Variants in CHODL observed in about 807,000 individuals in gnomAD.
CHODL encodes the protein transmembrane protein MT75.
A neutral mutation model predicts 34.5 loss-of-function variants in CHODL; 29 were observed. The observed-to-expected ratio is 0.84, with a 90% CI of 0.63 to 1.15. CHODL has a LOEUF of 1.15. CHODL is among the 50% of genes most tolerant of loss of function. CHODL has a pLI of 0.00. For synonymous variants in CHODL, 125 were observed against 116.1 expected (o/e 1.08, Z -0.49); for missense variants, 332 against 332.5 (o/e 1.00, Z 0.01).
intron 1 of CHODL, among the ~76,000 whole-genome samples, chr21:17,982,572 T>C (rs998234193): frequency 2.6e-5 from 4 of 151,890 alleles, no homozygotes; most frequent in Non-Finnish European, 5.9e-5. Context: ...TATGAAAATA[T>C]TGTGTACTCT....
chr21:18,091,358 G>A (rs1337922347), intron 2 of CHODL, among the ~76,000 whole-genome samples: 1 of 152,178 alleles, frequency 6.6e-6, no homozygotes, highest in Non-Finnish European at 1.5e-5. Flanking sequence ...GGTGGCACGT[G>A]ACCTAGGGAG....
At chr21:18,191,974 G>A (rs1233694231) in intron 2 of CHODL, among the ~76,000 whole-genome samples, 1 of 152,158 alleles carries the variant, frequency 6.6e-6, no homozygotes, top group Non-Finnish European at 1.5e-5. Flanking sequence ...AAATCATGTT[G>A]CAAATGAAAG....
At chr21:18,014,401 C>T (rs2064051003) in intron 1 of CHODL, among the ~76,000 whole-genome samples, 1 of 152,212 alleles carries the variant, frequency 6.6e-6, no homozygotes, top group African/African-American at 2.4e-5. Flanking sequence ...ACCACACATT[C>T]TCACTTATAA....
chr21:18,252,670 A>AT (rs2074272073), intron 1 of CHODL, among the ~76,000 whole-genome samples: 1 of 152,188 alleles, frequency 6.6e-6, no homozygotes, highest in Non-Finnish European at 1.5e-5. Context: ...ATATAAACCC[A>AT]TAAAAATTGT....
At chr21:18,060,969 C>T (rs549912623) in intron 2 of CHODL, among the ~76,000 whole-genome samples, 1 of 152,290 alleles carries the variant, frequency 6.6e-6, no homozygotes, top group East Asian at 1.9e-4. Context: ...TGTCAGGTTT[C>T]AGGTGTTCCA....
intron 2 of CHODL, among the ~76,000 whole-genome samples, chr21:18,234,272 T>C (rs954632426): frequency 6.6e-6 from 1 of 152,106 alleles, no homozygotes; most frequent in African/African-American, 2.4e-5. Flanking sequence ...AGAGCGTTAC[T>C]TGCTGAGGTA....
At chr21:17,930,384 A>G (rs564700583) in intron 1 of CHODL, among the ~76,000 whole-genome samples, 2 of 148,306 alleles carry the variant, frequency 1.3e-5, no homozygotes, top group African/African-American at 4.8e-5. Context: ...CAGCACCTGC[A>G]TGTGCCACAA....
intron 1 of CHODL, among the ~76,000 whole-genome samples, chr21:17,931,957 A>G (rs928519823): frequency 1.3e-5 from 2 of 152,218 alleles, no homozygotes; most frequent in Admixed American, 1.3e-4. Flanking sequence ...GACAAATGGG[A>G]CTTAATTAAA....
intron 2 of CHODL, among the ~76,000 whole-genome samples, chr21:18,152,020 GTGTGTT>G (rs2072976365): frequency 6.8e-6 from 1 of 147,360 alleles, no homozygotes; most frequent in Non-Finnish European, 1.5e-5. Flanking sequence ...GTGTGTGTGT[GTGTGTT>G]TGTGTGTGTG....
At chr21:18,134,845 A>T (rs965866696) in intron 2 of CHODL, among the ~76,000 whole-genome samples, 2 of 152,214 alleles carry the variant, frequency 1.3e-5, no homozygotes, top group Non-Finnish European at 2.9e-5. Context: ...AGTGGCATTA[A>T]TTCCAATCTA....
At chr21:18,206,055 G>A (rs2073708131) in intron 2 of CHODL, among the ~76,000 whole-genome samples, 1 of 152,180 alleles carries the variant, frequency 6.6e-6, no homozygotes, top group Admixed American at 6.5e-5. Context: ...GGCCTAACAT[G>A]TAGTCTATCC....
intron 1 of CHODL, among the ~76,000 whole-genome samples, chr21:17,930,433 G>A (rs73321558): frequency 0.018 from 2,800 of 152,314 alleles, 62 homozygotes; most frequent in African/African-American, 0.055. Flanking sequence ...AGGGAGGTAT[G>A]AGTGGGCCAT....
At position 17,929,337 on chromosome 21, in the gene CHODL, T is replaced by A. The variant is rs535940665; in HGVS notation, c.-145+11937T>A. Among the ~76,000 whole-genome samples the A allele has an allele frequency of 3.3e-5, 5 of 152,376 alleles. No homozygotes were observed. In the East Asian group the frequency reaches 9.6e-4, roughly 29 times the overall value. On this transcript the variant is annotated intron_variant, in intron 1 of 6. Transcript: ENST00000400127. Reference sequence around the variant, plus strand: ...CATTTTAATGACATATTTAAAAAGTTTTTTGAAAGAAAAAGTACAAATAAA... The same window carrying A: ...CATTTTAATGACATATTTAAAAAGTATTTTGAAAGAAAAAGTACAAATAAA...
intron 2 of CHODL, among the ~76,000 whole-genome samples, chr21:18,186,845 A>G (rs531322829): frequency 6.6e-6 from 1 of 152,296 alleles, no homozygotes; most frequent in African/African-American, 2.4e-5. Flanking sequence ...TTGTGTTTGA[A>G]TGGTTGCTGC....
chr21:18,020,375 A>G (rs2064116927), intron 1 of CHODL, among the ~76,000 whole-genome samples: 1 of 152,198 alleles, frequency 6.6e-6, no homozygotes, highest in South Asian at 2.1e-4. Flanking sequence ...CTGCAAGCAC[A>G]TGTCAAATTA....
At chr21:18,169,191 T>C (rs2073195719) in intron 2 of CHODL, among the ~76,000 whole-genome samples, 1 of 152,182 alleles carries the variant, frequency 6.6e-6, no homozygotes, top group Non-Finnish European at 1.5e-5. Flanking sequence ...AATTTAATCC[T>C]TACTTGTTGG....
At chr21:18,172,569 C>T (rs1438111729) in intron 2 of CHODL, among the ~76,000 whole-genome samples, 1 of 134,966 alleles carries the variant, frequency 7.4e-6, no homozygotes, top group Admixed American at 7.4e-5. Context: ...CCAGATTCAG[C>T]CATTTTTTTT....
rs192289477 is a variant in CHODL, at chr21:17,934,530, T to C, written c.-145+17130T>C. Among the ~76,000 whole-genome samples, 17 of 152,286 alleles carry C rather than the reference T, an allele frequency of 1.1e-4. No homozygotes were observed. In the East Asian group the frequency reaches 2.7e-3, roughly 24 times the overall value. ...GGTTCTTTCTTCCTTCTTTCCTCCATTGTTATTCAAGCCATTGTTATAATT... is the reference window on the plus strand; with the variant it reads ...GGTTCTTTCTTCCTTCTTTCCTCCACTGTTATTCAAGCCATTGTTATAATT... On this transcript the variant is annotated intron_variant, in intron 1 of 6. Coordinates refer to the CHODL transcript ENST00000400127.
intron 1 of CHODL, among the ~76,000 whole-genome samples, chr21:17,966,538 A>G (rs1174876036): frequency 6.6e-6 from 1 of 152,190 alleles, no homozygotes; most frequent in Admixed American, 6.5e-5. Flanking sequence ...GGTCAACTTA[A>G]CTACAGGGAA....
Sources: gnomAD v4.1 joint callset for allele counts (sites outside exome capture counted in the v4.1 genomes callset) on GRCh38, gnomAD v4.1.1 for gene constraint, MANE v1.5 for transcripts, NCBI Gene and HGNC (gene_info 2026-07-23, HGNC 2026-07-21) for gene names.